Variants in GRM3 observed in about 807,000 individuals in gnomAD.
The protein encoded by GRM3 is glutamate metabotropic receptor 3, also known as metabotropic glutamate receptor 3.
GRM3 carries 26 observed loss-of-function variants against 70.5 expected under a neutral mutation model. The ratio of observed to expected loss-of-function variants is 0.37; its 90% CI spans 0.27 to 0.51. GRM3 has a LOEUF of 0.51. GRM3 is among the 20% of genes least tolerant of loss of function. The pLI is 0.93. For synonymous variants in GRM3, 443 were observed against 434.9 expected (o/e 1.02, Z -0.23); for missense variants, 859 against 1,123.8 (o/e 0.76, Z 3.37).
intron 3 of GRM3, among the ~76,000 whole-genome samples, chr7:86,835,675 A>G (rs1004618739): frequency 6.6e-6 from 1 of 152,154 alleles, no homozygotes; most frequent in African/African-American, 2.4e-5. Context: ...CAGTGACACA[A>G]TCTTGGCTCA....
intron 1 of GRM3, among the ~76,000 whole-genome samples, chr7:86,754,150 A>G (rs1301759099): frequency 3.3e-5 from 5 of 152,150 alleles, no homozygotes; most frequent in Admixed American, 1.3e-4. Context: ...CTGAAATCTC[A>G]TAGTATCTGA....
intron 1 of GRM3, among the ~76,000 whole-genome samples, chr7:86,755,420 C>T (rs191181294): frequency 1.2e-4 from 19 of 152,204 alleles, no homozygotes; most frequent in Admixed American, 1.0e-3. Flanking sequence ...AAAGACCCTA[C>T]TGTGCCAGAA....
intron 1 of GRM3, among the ~76,000 whole-genome samples, chr7:86,688,946 C>T (rs549060053): frequency 2.4e-4 from 36 of 147,922 alleles, no homozygotes; most frequent in Middle Eastern, 3.6e-3. Context: ...TCTGGTGTCA[C>T]GAGACATAGT....
Position 86,839,309 on chromosome 7 carries a change from A to G in GRM3, c.1795A>G (p.Ile599Val), listed in dbSNP as rs1398904295. The change falls in exon 4 of 6, where the codon ATC (isoleucine) becomes GTC (valine). Residue 599 changes from isoleucine to valine, a missense_variant. Coordinates refer to ENST00000361669, the MANE Select transcript of GRM3 (RefSeq NM_000840.3). This position sits in a 1 kb window ranked among gnomAD's most constrained non-coding sequence, Gnocchi z 4.5. ...TACATGCATGGTTGTAACTGTTTTTATCAAGCACAACAACACACCCTTGGT... is the reference window on the plus strand; with the variant it reads ...TACATGCATGGTTGTAACTGTTTTTGTCAAGCACAACAACACACCCTTGGT... ...MCTCMVVTVF[I>V]KHNNTPLVKA... The G allele has an allele frequency of 1.9e-6, 3 of 1,613,764 alleles. No individual in the cohort carries two copies. Among genetic ancestry groups the G allele is most frequent in the African/African-American group, 2.7e-5 (2 of 75,010 alleles).
intron 1 of GRM3, among the ~76,000 whole-genome samples, chr7:86,725,241 C>T (rs1795564223): frequency 6.6e-6 from 1 of 152,094 alleles, no homozygotes; most frequent in South Asian, 2.1e-4. Context: ...AAATAATGTA[C>T]ATAAAAGCCT....
intron 1 of GRM3, among the ~76,000 whole-genome samples, chr7:86,735,244 T>TATAC (rs1337066686): frequency 1.2e-4 from 19 of 152,110 alleles, no homozygotes; most frequent in Non-Finnish European, 1.8e-4. Flanking sequence ...TAACAGCAGA[T>TATAC]ATACCTGCTG....
chr7:86,817,375 T>C (rs1437145825), intron 3 of GRM3, among the ~76,000 whole-genome samples: 1 of 151,956 alleles, frequency 6.6e-6, no homozygotes, highest in African/African-American at 2.4e-5. Context: ...AGTTCTCCCT[T>C]TTCACTTCAA....
Position 86,713,880 on chromosome 7 carries a change from C to T in GRM3, c.-140-51126C>T, listed in dbSNP as rs988510764. On this transcript the variant is annotated intron_variant, in intron 1 of 5. Coordinates refer to ENST00000361669, the MANE Select transcript of GRM3 (RefSeq NM_000840.3). The stretch of plus-strand genomic sequence containing the variant: ...AAAGAACGTAATTGACCAAGGGCCC[C>T]TACTACTGGGTTCGGAGCTCTATGC... 2.0e-5 allele frequency among the ~76,000 whole-genome samples: 3 copies of T among 151,984 alleles called. No homozygotes were observed. The South Asian group carries it at 6.2e-4, about 31-fold the overall frequency.
At chr7:86,680,172 T>C (rs1794409502) in intron 1 of GRM3, among the ~76,000 whole-genome samples, 1 of 152,102 alleles carries the variant, frequency 6.6e-6, no homozygotes, top group African/African-American at 2.4e-5. Flanking sequence ...GCAATCATGA[T>C]AAAGCGCCTA....
chr7:86,737,241 T>C (rs1244966188), intron 1 of GRM3, among the ~76,000 whole-genome samples: 1 of 152,214 alleles, frequency 6.6e-6, no homozygotes, highest in Admixed American at 6.5e-5. Flanking sequence ...AAGTGCTTTC[T>C]AAGGGCCAAA....
At chr7:86,699,880 A>T (rs1794910914) in intron 1 of GRM3, among the ~76,000 whole-genome samples, 1 of 152,010 alleles carries the variant, frequency 6.6e-6, no homozygotes, top group South Asian at 2.1e-4. Context: ...TTGCTCTGGG[A>T]TAAGAAAAAC....
rs572704031 is a variant in GRM3 at position 86,671,748 on chromosome 7, A to T, written c.-141+26876A>T. Among the ~76,000 whole-genome samples, 3 of 152,318 alleles carry T rather than the reference A, an allele frequency of 2.0e-5. No individual in the cohort carries two copies. The South Asian group carries it at 6.2e-4, about 32-fold the overall frequency. On this transcript the variant is annotated intron_variant, in intron 1 of 5. Transcript: ENST00000361669. ...TTCCAACCCTTGATTCAATTCTCTCAGATAATTAGTCCTGCTTTGACCTCA... is the reference window on the plus strand; with the variant it reads ...TTCCAACCCTTGATTCAATTCTCTCTGATAATTAGTCCTGCTTTGACCTCA...
At chr7:86,789,266 T>C (rs916575817) in intron 3 of GRM3, among the ~76,000 whole-genome samples, 2 of 152,146 alleles carry the variant, frequency 1.3e-5, no homozygotes, top group Non-Finnish European at 2.9e-5. Context: ...ACAAGGTAAA[T>C]ATTCTCAGCA....
intron 1 of GRM3, among the ~76,000 whole-genome samples, chr7:86,702,454 A>G (rs189263884): frequency 6.6e-6 from 1 of 152,066 alleles, no homozygotes; most frequent in Non-Finnish European, 1.5e-5. Flanking sequence ...ATCACAGAAA[A>G]CACAGGGTTA....
intron 2 of GRM3, among the ~76,000 whole-genome samples, chr7:86,777,693 A>G (rs1796930693): frequency 6.6e-6 from 1 of 152,202 alleles, no homozygotes; most frequent in South Asian, 2.1e-4. Flanking sequence ...AAAACAAAAA[A>G]AGTTACTAAT....
chr7:86,713,669 A>C (rs906013487), intron 1 of GRM3, among the ~76,000 whole-genome samples: 3 of 152,118 alleles, frequency 2.0e-5, no homozygotes, highest in Admixed American at 1.3e-4. Context: ...TTGGTACAAA[A>C]TACAGTCTCT....
At chr7:86,763,092 TC>T (rs1485576438) in intron 1 of GRM3, among the ~76,000 whole-genome samples, 1 of 152,084 alleles carries the variant, frequency 6.6e-6, no homozygotes, top group African/African-American at 2.4e-5. Context: ...TTAGAGTGTC[TC>T]CCCCAATGAG....
At chr7:86,684,296 T>C (rs192469179) in intron 1 of GRM3, among the ~76,000 whole-genome samples, 336 of 152,230 alleles carry the variant, frequency 2.2e-3, no homozygotes, top group Non-Finnish European at 2.9e-3. Context: ...CAACTGAAAA[T>C]AGGAGTAATA....
intron 1 of GRM3, among the ~76,000 whole-genome samples, chr7:86,672,470 T>A (rs1283992207): frequency 6.6e-6 from 1 of 152,226 alleles, no homozygotes; most frequent in African/African-American, 2.4e-5. Flanking sequence ...ACGTTTATAT[T>A]GTCTTCTTGC....
Sources: allele counts gnomAD v4.1 joint callset (sites outside exome capture counted in the v4.1 genomes callset), GRCh38; gene constraint gnomAD v4.1.1; non-coding constraint Gnocchi (gnomAD v3.1); transcripts MANE v1.5; gene names NCBI Gene and HGNC (gene_info 2026-07-23, HGNC 2026-07-21).